The following NCOA5 variants were observed in gnomAD, a reference collection of about 807,000 sequenced individuals.
NCOA5 encodes the protein nuclear receptor coactivator 5, also known as NCoA-5.
Under a neutral mutation model 59.0 loss-of-function variants are expected in NCOA5, and 12 were observed. That is an observed-to-expected ratio of 0.20 (90% confidence interval 0.13 to 0.33). The LOEUF (loss-of-function observed/expected upper bound fraction) is 0.33. Among genes scored for constraint, NCOA5 ranks in the 10% least tolerant of loss-of-function variants. The pLI is 1.00. For synonymous variants in NCOA5, 270 were observed against 275.5 expected (o/e 0.98, Z 0.20); for missense variants, 655 against 766.6 (o/e 0.85, Z 1.72).
intron 1 of NCOA5, among the ~76,000 whole-genome samples, chr20:46,082,770 A>C (rs553572592): frequency 6.6e-6 from 1 of 152,342 alleles, no homozygotes; most frequent in South Asian, 2.1e-4. Flanking sequence ...TTAGACAAGA[A>C]AAAGAGCTTT....
In NCOA5 at chr20:46,061,081, A is replaced by T. The variant is rs1346572427; in HGVS notation, c.*1219T>A. On this transcript the variant is annotated 3_prime_UTR_variant, in exon 8 of 8. Transcript: ENST00000290231. ...AAAAAAAAACCACTATATAACACAA[A>T]CAGGTCAGAACATAAAATGCTGCCA... 1.3e-5 allele frequency: 2 copies of T among 151,966 alleles called. No homozygotes were observed. The highest frequency in any genetic ancestry group is 1.3e-4 in the Admixed American group (2 of 15,276). The allele number at this position is 151,966 out of a possible 1,614,324, so 9.4% of individuals were successfully genotyped here.
chr20:46,089,631 G>A (rs555192659), intron 1 of NCOA5, among the ~76,000 whole-genome samples, 186 bp downstream of exon 1: 5 of 152,070 alleles, frequency 3.3e-5, no homozygotes, highest in East Asian at 1.9e-4. Flanking sequence ...CCTGACGGGA[G>A]CCGGAGGCGG....
chr20:46,062,092 A>G lies in NCOA5; in HGVS notation c.*208T>C. The G allele has an allele frequency of 6.3e-6, 3 of 476,864 alleles. No individual in the cohort carries two copies. The Admixed American group carries it at 1.1e-4, about 17-fold the overall frequency. 29.5% of individuals were successfully genotyped at this position (476,864 alleles called of 1,614,324 possible). Reference sequence around the variant, plus strand: ...TTATTTTCTACAAAACAAAAAACAAAAAAAGATACAGCCCCAAATGCAGTA... The same window carrying G: ...TTATTTTCTACAAAACAAAAAACAAGAAAAGATACAGCCCCAAATGCAGTA... On this transcript the variant is annotated 3_prime_UTR_variant, in exon 8 of 8. Coordinates refer to ENST00000290231, the MANE Select transcript of NCOA5 (RefSeq NM_020967.3).
chr20:46,063,595 T>C lies in NCOA5; in HGVS notation c.915A>G (p.Glu305=). The change falls in exon 7 of 8, where the codon GAA becomes GAG. Residue 305 remains glutamate, a synonymous_variant. Transcript: ENST00000290231. ...ERYKNECREK[E]REEIARQAAK... Reference sequence around the variant, plus strand: ...CTGCCTGTCTGGCAATCTCCTCACGTTCCTTCTCCCGGCACTCATTCTTGT... The same window carrying C: ...CTGCCTGTCTGGCAATCTCCTCACGCTCCTTCTCCCGGCACTCATTCTTGT... 3 of 1,614,186 alleles carry C rather than the reference T, an allele frequency of 1.9e-6. No individual in the cohort carries two copies. Among genetic ancestry groups the C allele is most frequent in the Non-Finnish European group, 2.5e-6 (3 of 1,180,034 alleles).
chr20:46,072,095 A>T (rs1329569381), intron 2 of NCOA5, among the ~76,000 whole-genome samples: 2 of 151,942 alleles, frequency 1.3e-5, no homozygotes, highest in Non-Finnish European at 2.9e-5. Context: ...CTCCCTTCCA[A>T]CCACATTTCC....
chr20:46,087,351 C>A (rs1183825759), intron 1 of NCOA5, among the ~76,000 whole-genome samples: 2 of 152,218 alleles, frequency 1.3e-5, no homozygotes, highest in East Asian at 1.9e-4. Flanking sequence ...AAACATTACA[C>A]AAAGGCACTG....
chr20:46,072,016 A>C (rs1199077629), intron 2 of NCOA5, among the ~76,000 whole-genome samples: 1 of 152,110 alleles, frequency 6.6e-6, no homozygotes, highest in Non-Finnish European at 1.5e-5. Flanking sequence ...ATCTCAGTAA[A>C]TGGCACATCC....
intron 3 of NCOA5, among the ~76,000 whole-genome samples, 156 bp downstream of exon 3, chr20:46,070,054 A>G (rs1289997835): frequency 6.6e-6 from 1 of 152,240 alleles, no homozygotes; most frequent in Admixed American, 6.5e-5. Context: ...TCATACATTC[A>G]GCAAAATTTA....
At chr20:46,076,992 T>C (rs1248292040) in intron 2 of NCOA5, among the ~76,000 whole-genome samples, 2 of 152,202 alleles carry the variant, frequency 1.3e-5, no homozygotes, top group Admixed American at 6.5e-5. Context: ...CACGGCTCAC[T>C]GCAGCCTCAA....
intron 1 of NCOA5, among the ~76,000 whole-genome samples, chr20:46,080,528 T>C (rs1337352648): frequency 6.6e-6 from 1 of 152,164 alleles, no homozygotes; most frequent in Non-Finnish European, 1.5e-5. Context: ...TTATGTATTT[T>C]AAAAATCCCA....
At chr20:46,074,436 T>C (rs1220940053) in intron 2 of NCOA5, among the ~76,000 whole-genome samples, 2 of 152,204 alleles carry the variant, frequency 1.3e-5, no homozygotes, top group African/African-American at 4.8e-5. Context: ...CCTCAGGTAC[T>C]ACATCACTAG....
Position 46,062,090 on chromosome 20 carries a change from A to G in NCOA5, c.*210T>C, listed in dbSNP as rs2084771571. ...ATTTATTTTCTACAAAACAAAAAACAAAAAAAGATACAGCCCCAAATGCAG... is the reference window on the plus strand; with the variant it reads ...ATTTATTTTCTACAAAACAAAAAACGAAAAAAGATACAGCCCCAAATGCAG... On this transcript the variant is annotated 3_prime_UTR_variant, in exon 8 of 8. Transcript: ENST00000290231. The G allele has an allele frequency of 8.5e-6, 4 of 470,360 alleles. No individual in the cohort carries two copies. Among genetic ancestry groups the G allele is most frequent in the African/African-American group, 1.9e-5 (1 of 51,854 alleles). 29.1% of individuals were successfully genotyped at this position (470,360 alleles called of 1,614,324 possible).
At chr20:46,065,784 G>C (rs762077932) in intron 5 of NCOA5, among the ~76,000 whole-genome samples, 10 of 152,132 alleles carry the variant, frequency 6.6e-5, no homozygotes, top group Non-Finnish European at 1.0e-4. Flanking sequence ...CTCATCACCT[G>C]TATGCTTTTG....
chr20:46,066,919 C>T (rs2084830312), intron 5 of NCOA5, 136 bp downstream of exon 5: 1 of 1,041,552 alleles, frequency 9.6e-7, no homozygotes, highest in South Asian at 1.9e-5. Context: ...TCACCTATAA[C>T]TGAAAGAACC....
chr20:46,088,664 C>T (rs1441360769), intron 1 of NCOA5, among the ~76,000 whole-genome samples: 2 of 152,206 alleles, frequency 1.3e-5, no homozygotes, highest in Non-Finnish European at 2.9e-5. Flanking sequence ...TTGCAGTTCC[C>T]TGGGACTAAC....
intron 1 of NCOA5, among the ~76,000 whole-genome samples, chr20:46,084,811 A>G (rs1191587525): frequency 6.6e-6 from 1 of 152,254 alleles, no homozygotes; most frequent in Non-Finnish European, 1.5e-5. Context: ...CTACAAAAAA[A>G]GAGTCTGAGC....
chr20:46,074,312 G>A (rs759666324), intron 2 of NCOA5, among the ~76,000 whole-genome samples: 2 of 152,192 alleles, frequency 1.3e-5, no homozygotes, highest in African/African-American at 2.4e-5. Flanking sequence ...TGTGGGAGAC[G>A]CTGGACCTCA....
chr20:46,070,111 G>A, intron 3 of NCOA5, 99 bp downstream of exon 3: 1 of 916,258 alleles, frequency 1.1e-6, no homozygotes, highest in Non-Finnish European at 1.6e-6. Flanking sequence ...GAAATAAAAG[G>A]CTGATAAAAT....
chr20:46,062,201 G>T lies in NCOA5; in HGVS notation c.*99C>A. ...AATTGATGACACTCGATGCCGGCCT[G>T]GGAGCGCAGAGAACATCCTCCAAAC... On this transcript the variant is annotated 3_prime_UTR_variant, in exon 8 of 8. Transcript: ENST00000290231. 1 of 887,466 alleles carries T rather than the reference G, an allele frequency of 1.1e-6. No individual in the cohort carries two copies. The highest frequency in any genetic ancestry group is 1.8e-5 in the South Asian group (1 of 55,888). 55.0% of individuals were successfully genotyped at this position (887,466 alleles called of 1,614,324 possible).
Sources: gnomAD v4.1 joint callset for allele counts (sites outside exome capture counted in the v4.1 genomes callset) on GRCh38, gnomAD v4.1.1 for gene constraint, MANE v1.5 for transcripts, NCBI Gene and HGNC (gene_info 2026-07-23, HGNC 2026-07-21) for gene names.